Variants in PUM1 observed in about 807,000 individuals in gnomAD.
The protein encoded by PUM1 is pumilio homolog 1.
Under a neutral mutation model 131.8 loss-of-function variants are expected in PUM1, and 13 were observed. The ratio of observed to expected loss-of-function variants is 0.10; its 90% CI spans 0.06 to 0.16. The LOEUF (loss-of-function observed/expected upper bound fraction) is 0.16. Ranked by LOEUF, PUM1 falls within the 10% of genes least tolerant of loss-of-function variation. PUM1 has a pLI of 1.00. For synonymous variants in PUM1, 509 were observed against 556.5 expected (o/e 0.91, Z 1.20); for missense variants, 961 against 1,512.4 (o/e 0.64, Z 6.05).
Position 30,964,902 on chromosome 1 carries a change from A to G in PUM1, c.2095T>C (p.Ser699Pro). The change falls in exon 14 of 22, where the codon TCC (serine) becomes CCC (proline). Residue 699 changes from serine to proline, a missense_variant. By Grantham distance (74) the Ser-to-Pro change is moderately conservative (BLOSUM62 -1). Coordinates refer to ENST00000426105, the MANE Select transcript of PUM1 (RefSeq NM_001020658.2). ...LGGFGTAVAN[S>P]NTGSGSRRDS... ...CGGCGGGAGCCACTGCCAGTGTTGG[A>G]GTTTGCAACTAAAATGGAATTAAAA... is the stretch of plus-strand genomic sequence containing the variant. 1 of 1,613,960 alleles carries G rather than the reference A, an allele frequency of 6.2e-7. No individual in the cohort carries two copies. Among genetic ancestry groups the G allele is most frequent in the Non-Finnish European group, 8.5e-7 (1 of 1,179,886 alleles).
chr1:30,978,855 T>C (rs1641244650), intron 9 of PUM1, among the ~76,000 whole-genome samples: 1 of 152,052 alleles, frequency 6.6e-6, no homozygotes, highest in Non-Finnish European at 1.5e-5. Context: ...TGCCAGCACT[T>C]TGGGAGGCCA....
chr1:31,033,518 G>C (rs539616249), intron 2 of PUM1, among the ~76,000 whole-genome samples: 5 of 149,940 alleles, frequency 3.3e-5, no homozygotes, highest in African/African-American at 9.8e-5. Flanking sequence ...TCAGCCTCCC[G>C]AGTATCCAGC....
intron 5 of PUM1, 67 bp downstream of exon 5, chr1:31,005,785 GA>G (rs912520664): frequency 3.6e-6 from 5 of 1,383,378 alleles, no homozygotes; most frequent in East Asian, 2.5e-5. Context: ...TGCTTTAGGG[GA>G]AAAAAAGAGA....
chr1:30,972,571 C>T (rs1040491197), intron 10 of PUM1, among the ~76,000 whole-genome samples: 2 of 149,206 alleles, frequency 1.3e-5, no homozygotes, highest in African/African-American at 2.5e-5. Flanking sequence ...GTCAAGAGTT[C>T]GAGATCAGTC....
intron 7 of PUM1, 120 bp from the exon 8 acceptor site, chr1:30,981,525 T>C: frequency 1.8e-6 from 1 of 556,000 alleles, no homozygotes; most frequent in Non-Finnish European, 3.3e-6. Flanking sequence ...TAACAATAAA[T>C]GTTCTCACAC....
intron 3 of PUM1, among the ~76,000 whole-genome samples, chr1:31,023,227 G>A (rs1643099406): frequency 6.6e-6 from 1 of 151,454 alleles, no homozygotes; most frequent in Non-Finnish European, 1.5e-5. Context: ...TACACTGCTT[G>A]GTCACATATT....
chr1:30,936,637 G>T lies in PUM1; in HGVS notation c.3435+6C>A. ...TTTCTCTGAGACCCTGCCCAGCCCG[G>T]CCTACCTTATGCATGACGATCTTCC... On this transcript the variant is annotated splice_donor_region_variant and intron_variant, in intron 21 of 21. Coordinates refer to ENST00000426105, the MANE Select transcript of PUM1 (RefSeq NM_001020658.2). The T allele has an allele frequency of 6.2e-7, 1 of 1,611,180 alleles. No homozygotes were observed. The highest frequency in any genetic ancestry group is 1.7e-5 in the Admixed American group (1 of 59,860).
At chr1:30,968,585 T>C (rs973404682) in intron 10 of PUM1, 93 bp from the exon 11 acceptor site, 5 of 1,325,300 alleles carry the variant, frequency 3.8e-6, no homozygotes, top group African/African-American at 1.5e-5. Flanking sequence ...TAAAACTTAA[T>C]TGTAAATTGT....
At chr1:30,993,706 G>C (rs954907916) in intron 6 of PUM1, among the ~76,000 whole-genome samples, 2 of 152,152 alleles carry the variant, frequency 1.3e-5, no homozygotes, top group Non-Finnish European at 2.9e-5. Context: ...TCAAGGTGGA[G>C]AGGACACCTG....
intron 2 of PUM1, among the ~76,000 whole-genome samples, chr1:31,034,465 T>A (rs1643539346): frequency 6.6e-6 from 1 of 152,058 alleles, no homozygotes; most frequent in Non-Finnish European, 1.5e-5. Context: ...CACGGTGAAA[T>A]CCCGTCTCTA....
chr1:30,955,997 C>T (rs894886209), intron 14 of PUM1, among the ~76,000 whole-genome samples: 35 of 152,116 alleles, frequency 2.3e-4, no homozygotes, highest in Non-Finnish European at 1.2e-4. Flanking sequence ...AAAATTAAGC[C>T]CAGAGAGGTG....
intron 2 of PUM1, among the ~76,000 whole-genome samples, chr1:31,055,646 G>C (rs148803616): frequency 0.016 from 2,438 of 152,324 alleles, 36 homozygotes; most frequent in Non-Finnish European, 0.019. Context: ...AACAGGTTTT[G>C]CCATTTACTA....
intron 21 of PUM1, among the ~76,000 whole-genome samples, chr1:30,934,771 T>C (rs1385507770): frequency 1.3e-5 from 2 of 152,178 alleles, no homozygotes; most frequent in Non-Finnish European, 2.9e-5. Flanking sequence ...TGGAACTGGC[T>C]GCTGACAAGT....
chr1:30,969,623 C>T lies in PUM1; in HGVS notation c.1507-1131G>A, dbSNP rs1422755726. Among the ~76,000 whole-genome samples the T allele has an allele frequency of 3.9e-5, 6 of 152,046 alleles. 1 individual carries two copies. The highest frequency in any genetic ancestry group is 3.9e-4 in the Admixed American group (6 of 15,272). On this transcript the variant is annotated intron_variant, in intron 10 of 21. Transcript: ENST00000426105. Reference sequence around the variant, plus strand: ...AGTGCAGAATACCAGTTATGCCACTCTGATAAAGGATCTACTTTTTTTTTT... The same window carrying T: ...AGTGCAGAATACCAGTTATGCCACTTTGATAAAGGATCTACTTTTTTTTTT...
intron 17 of PUM1, among the ~76,000 whole-genome samples, chr1:30,946,259 A>C (rs780549936): frequency 6.6e-5 from 10 of 152,012 alleles, no homozygotes; most frequent in Non-Finnish European, 1.5e-4. Flanking sequence ...ATCATAGCTA[A>C]TCCTAGGCCC....
At chr1:30,948,333 A>G (rs757268740) in intron 17 of PUM1, among the ~76,000 whole-genome samples, 47 of 152,328 alleles carry the variant, frequency 3.1e-4, no homozygotes, top group Middle Eastern at 3.4e-3. Flanking sequence ...AAGATGAGTT[A>G]ATTTTACCCA....
intron 20 of PUM1, among the ~76,000 whole-genome samples, chr1:30,938,868 CAT>C (rs1557543007): frequency 6.6e-6 from 1 of 150,874 alleles, no homozygotes; most frequent in Admixed American, 6.6e-5. Flanking sequence ...CCATCTCATT[CAT>C]AGATAGAGAT....
intron 3 of PUM1, among the ~76,000 whole-genome samples, chr1:31,019,318 C>T (rs554718382): frequency 6.6e-6 from 1 of 152,170 alleles, no homozygotes; most frequent in Non-Finnish European, 1.5e-5. Context: ...TGCCGCTGCG[C>T]TCCAGCCTGG....
At chr1:31,027,894 A>T (rs1274027647) in intron 3 of PUM1, among the ~76,000 whole-genome samples, 1 of 152,234 alleles carries the variant, frequency 6.6e-6, no homozygotes, top group Non-Finnish European at 1.5e-5. Context: ...CCTCTTGTGA[A>T]ATATTAAAAT....
Sources: allele counts gnomAD v4.1 joint callset (sites outside exome capture counted in the v4.1 genomes callset), GRCh38; gene constraint gnomAD v4.1.1; transcripts MANE v1.5; gene names NCBI Gene and HGNC (gene_info 2026-07-23, HGNC 2026-07-21).